WDR62: variants seen among roughly 807,000 people sequenced by gnomAD.
WDR62 encodes the protein WD repeat domain 62.
A neutral mutation model predicts 160.6 loss-of-function variants in WDR62; 112 were observed. The observed-to-expected ratio is 0.70, with a 90% CI of 0.60 to 0.82. The LOEUF (loss-of-function observed/expected upper bound fraction) is 0.82. WDR62 is among the 40% of genes least tolerant of loss of function. WDR62 has a pLI of 0.00. For missense variants in WDR62, 1,819 were observed against 1,983.8 expected (o/e 0.92, Z 1.58); for synonymous variants, 792 against 815.1 (o/e 0.97, Z 0.48).
At chr19:36,102,908 G>A (rs1030957730) in intron 27 of WDR62, 40 bp from the exon 28 acceptor site, 3 of 1,614,054 alleles carry the variant, frequency 1.9e-6, no homozygotes, top group Admixed American at 1.7e-5. Flanking sequence ...CCCCAGGGCA[G>A]GCTGAATGAG....
chr19:36,060,055 C>G, intron 3 of WDR62, 25 bp downstream of exon 3: 2 of 1,613,632 alleles, frequency 1.2e-6, no homozygotes, highest in Non-Finnish European at 1.7e-6. Flanking sequence ...GGGCCCGGGG[C>G]AGGGGTGGAA....
intron 7 of WDR62, among the ~76,000 whole-genome samples, chr19:36,068,568 T>C (rs1375642393): frequency 1.3e-5 from 2 of 152,052 alleles, no homozygotes; most frequent in Non-Finnish European, 2.9e-5. Context: ...TCTTAACGAG[T>C]CTGCTGCCTT....
chr19:36,076,539 C>T (rs1256274745), intron 9 of WDR62, among the ~76,000 whole-genome samples: 10 of 145,886 alleles, frequency 6.9e-5, no homozygotes, highest in Non-Finnish European at 1.3e-4. Context: ...ATCTGGGTGA[C>T]AGAGGGAGAT....
At chr19:36,102,602 C>A in intron 26 of WDR62, 135 bp from the exon 27 acceptor site, 1 of 726,722 alleles carries the variant, frequency 1.4e-6, no homozygotes, top group Admixed American at 2.3e-5. Flanking sequence ...TGCCTCCTCA[C>A]CCACTGCCCC....
chr19:36,071,946 TATC>T lies in WDR62; in HGVS notation c.1043+233_1043+235del, dbSNP rs1339298063. ...AAACAGTGAGAAAACAAAGGAATAATATCATTTCAGATAGCGGTCAGCATGGTG... is the reference window on the plus strand; with the variant it reads ...AAACAGTGAGAAAACAAAGGAATAATATTTCAGATAGCGGTCAGCATGGTG... On this transcript the variant is annotated intron_variant, in intron 8 of 31. Transcript: ENST00000401500. Among the ~76,000 whole-genome samples the T allele has an allele frequency of 4.6e-5, 7 of 152,314 alleles. 1 individual carries two copies. The highest frequency in any genetic ancestry group is 1.4e-4 in the African/African-American group (6 of 41,574).
chr19:36,083,000 G>A lies in WDR62; in HGVS notation c.1372-63G>A, dbSNP rs753024554. Reference sequence around the variant, plus strand: ...AACGAAGAAGAGACTGGCTATGGAGGGACACGATTTCAGAGGTGCTTCTGA... The same window carrying A: ...AACGAAGAAGAGACTGGCTATGGAGAGACACGATTTCAGAGGTGCTTCTGA... On this transcript the variant is annotated intron_variant, in intron 10 of 31. Transcript: ENST00000401500. 1.6e-5 allele frequency: 24 copies of A among 1,464,334 alleles called. No homozygotes were observed. The Admixed American group carries it at 4.5e-4, about 27-fold the overall frequency. 90.7% of individuals were successfully genotyped at this position (1,464,334 alleles called of 1,614,324 possible).
chr19:36,099,097 C>G (rs950401309), intron 21 of WDR62, among the ~76,000 whole-genome samples: 3 of 151,982 alleles, frequency 2.0e-5, no homozygotes, highest in African/African-American at 7.2e-5. Context: ...TGGTGGGCAC[C>G]TGTAATCCCA....
downstream of WDR62, among the ~76,000 whole-genome samples, chr19:36,108,165 A>C (rs963611954): frequency 3.9e-5 from 6 of 152,070 alleles, no homozygotes; most frequent in Non-Finnish European, 8.8e-5. Context: ...GTGAGAATCA[A>C]CACCCTGACC....
Position 36,084,745 on chromosome 19 carries a change from G to T in WDR62, c.1642+1G>T. The T allele has an allele frequency of 6.2e-7, 1 of 1,612,984 alleles. No homozygotes were observed. The highest frequency in any genetic ancestry group is 2.2e-5 in the East Asian group (1 of 44,854). Reference sequence around the variant, plus strand: ...CTGGAGTACTCCAAGCCAGAGACGGGTGAGCCCGCAGCAGGGGTGGAATGG... The same window carrying T: ...CTGGAGTACTCCAAGCCAGAGACGGTTGAGCCCGCAGCAGGGGTGGAATGG... On this transcript the variant is annotated splice_donor_variant, in intron 12 of 31. Transcript: ENST00000401500. LOFTEE classifies it high-confidence loss of function.
chr19:36,059,279 A>C (rs1970523450), intron 2 of WDR62, among the ~76,000 whole-genome samples: 1 of 152,262 alleles, frequency 6.6e-6, no homozygotes, highest in East Asian at 1.9e-4. Context: ...AGAAGATGCT[A>C]CAGCTGTTCA....
intron 10 of WDR62, chr19:36,082,022 T>G: frequency 2.7e-6 from 1 of 365,730 alleles, no homozygotes; most frequent in South Asian, 2.0e-5. Flanking sequence ...AAATTTTGGT[T>G]AGTATTGCAA....
intron 9 of WDR62, among the ~76,000 whole-genome samples, chr19:36,079,020 G>C (rs1206486212): frequency 6.6e-6 from 1 of 151,532 alleles, no homozygotes; most frequent in African/African-American, 2.4e-5. Flanking sequence ...TGTGCTTCAG[G>C]ACAGATTTTC....
In WDR62 at chr19:36,103,621, C is replaced by T. The variant is rs1204776999; in HGVS notation, c.3793C>T (p.Leu1265Phe). Residue 1265 changes from leucine to phenylalanine, a missense_variant, in exon 30 of 32, where the codon CTT (leucine) becomes TTT (phenylalanine). Transcript: ENST00000401500. ...VGELASLGQE[L>F]QAITTATTPS... ...GGAGCTGGCCTCCTTGGGCCAGGAG[C>T]TTCAGGCCATCACCACCGCGACAAC... 1.2e-6 allele frequency: 2 copies of T among 1,610,290 alleles called. No homozygotes were observed. Among genetic ancestry groups the T allele is most frequent in the African/African-American group, 1.3e-5 (1 of 74,406 alleles).
chr19:36,104,046 C>G, intron 30 of WDR62, 65 bp downstream of exon 30: 1 of 1,583,952 alleles, frequency 6.3e-7, no homozygotes, highest in East Asian at 2.2e-5. Context: ...TGGCTCAGCT[C>G]CAAAGATGGA....
rs199931318 is a variant in WDR62 at position 36,066,412 on chromosome 19, C to A, written c.546C>A (p.Asn182Lys). 1 of 1,604,580 alleles carries A rather than the reference C, an allele frequency of 6.2e-7. No individual in the cohort carries two copies. Among genetic ancestry groups the A allele is most frequent in the Admixed American group, 1.7e-5 (1 of 58,286 alleles). ...GCTACCAACATGACATGGTGCTCAA[C>A]GTCTGGGACTGGAAGGTAAGAGCCG... ...SMGYQHDMVL[N>K]VWDWKKDIVV... The change falls in exon 5 of 32, where the codon AAC (asparagine) becomes AAA (lysine). Residue 182 changes from asparagine (N) to lysine (K), a missense_variant. This residue lies in a region of WDR62 where 934 missense variants were observed against 1,157.2 expected (regional missense o/e 0.81). Transcript: ENST00000401500.
At position 36,103,175 on chromosome 19, in the gene WDR62, C is replaced by T; in HGVS notation, c.3482C>T (p.Ala1161Val). Residue 1161 changes from alanine to valine, a missense_variant, in exon 29 of 32, where the codon GCT (alanine) becomes GTT (valine). Physicochemically the swap from Ala to Val is moderately conservative, Grantham distance 64 (BLOSUM62 0). Around this residue, in one of 3 missense-constraint regions of WDR62, gnomAD observed 770 missense variants for 734.2 expected, o/e 1.05. Coordinates refer to ENST00000401500, the MANE Select transcript of WDR62 (RefSeq NM_001083961.2). ...CTGCAGGTCCTCGCTGCAGGGAAGGCTGAAGAGACCCTGGAGGCCTGGCGC... is the reference window on the plus strand; with the variant it reads ...CTGCAGGTCCTCGCTGCAGGGAAGGTTGAAGAGACCCTGGAGGCCTGGCGC... ...DRTHVLAAGKAEETLEAWRPP... is the reference protein window; with the variant it reads ...DRTHVLAAGKVEETLEAWRPP... The T allele has an allele frequency of 6.2e-7, 1 of 1,614,070 alleles. No homozygotes were observed. Among genetic ancestry groups the T allele is most frequent in the Non-Finnish European group, 8.5e-7 (1 of 1,180,018 alleles).
chr19:36,055,158 T>G lies in WDR62; in HGVS notation c.177+10T>G, dbSNP rs1227467188. The stretch of plus-strand genomic sequence containing the variant: ...GACGGTGCAGAACCGGGTGAGAAGC[T>G]GCTCGCCATGTCTACCCCAGTTCCA... On this transcript the variant is annotated intron_variant, in intron 1 of 31. Transcript: ENST00000401500. 34 of 1,604,484 alleles carry G rather than the reference T, an allele frequency of 2.1e-5. No homozygotes were observed. The highest frequency in any genetic ancestry group is 2.9e-5 in the Non-Finnish European group (34 of 1,176,536).
At chr19:36,068,970 G>A (rs962883202) in intron 7 of WDR62, among the ~76,000 whole-genome samples, 4 of 149,754 alleles carry the variant, frequency 2.7e-5, no homozygotes, top group African/African-American at 7.4e-5. Context: ...ACGGGGCGGC[G>A]GCAGGGCGGA....
chr19:36,075,600 C>T (rs564918377), intron 9 of WDR62, among the ~76,000 whole-genome samples: 1 of 152,224 alleles, frequency 6.6e-6, no homozygotes, highest in East Asian at 1.9e-4. Context: ...CAGCCGCCAC[C>T]ACGCCTGGCT....
Sources: gnomAD v4.1 joint callset for allele counts (sites outside exome capture counted in the v4.1 genomes callset) on GRCh38, gnomAD v4.1.1 for gene constraint, gnomAD v4.1.1 regional missense constraint, MANE v1.5 for transcripts, NCBI Gene and HGNC (gene_info 2026-07-23, HGNC 2026-07-21) for gene names.